CCM2: variants seen among roughly 807,000 people sequenced by gnomAD.
The protein encoded by CCM2 is CCM2 scaffold protein.
In CCM2, 25 loss-of-function variants were observed where a neutral mutation model predicts 44.9. That is an observed-to-expected ratio of 0.56 (90% confidence interval 0.41 to 0.78). The LOEUF is 0.78. Among genes scored for constraint, CCM2 ranks in the 30% least tolerant of loss-of-function variants. The pLI is 0.00. For missense variants in CCM2, 481 were observed against 580.6 expected, an observed-to-expected ratio of 0.83 and a Z score of 1.76; for synonymous variants, 219 against 241.1, an observed-to-expected ratio of 0.91 and a Z score of 0.85.
At chr7:45,009,131 A>G (rs1377413535) in intron 1 of CCM2, among the ~76,000 whole-genome samples, 2 of 151,910 alleles carry the variant, frequency 1.3e-5, no homozygotes, top group African/African-American at 2.4e-5. Context: ...GCGAAATGCT[A>G]TCTCTACAAA....
Position 45,000,330 on chromosome 7 carries a change from C to A in CCM2, c.-4C>A, listed in dbSNP as rs937767334. 1 of 1,282,722 alleles carries A rather than the reference C, an allele frequency of 7.8e-7. No homozygotes were observed. The highest frequency in any genetic ancestry group is 9.9e-7 in the Non-Finnish European group (1 of 1,007,770). 79.5% of individuals were successfully genotyped at this position (1,282,722 alleles called of 1,614,324 possible). A position where few individuals can be genotyped will look rare whatever the true frequency, so the allele number is the denominator to read the frequency against. On this transcript the variant is annotated 5_prime_UTR_variant, in exon 1 of 10. Coordinates refer to ENST00000258781, the MANE Select transcript of CCM2 (RefSeq NM_031443.4). The stretch of plus-strand genomic sequence containing the variant: ...GGCGGGCCGCGGGAGCCGCACGCGG[C>A]GATATGGAAGAGGAGGGCAAGAAGG...
intron 1 of CCM2, among the ~76,000 whole-genome samples, chr7:45,014,360 C>T (rs904694213): frequency 2.0e-4 from 30 of 152,024 alleles, no homozygotes; most frequent in Non-Finnish European, 3.1e-4. Context: ...AGGCTGGTCT[C>T]GAACTCCTGA....
rs2304690 is a variant in CCM2, at chr7:45,064,942, A to G, written c.472+296A>G. On this transcript the variant is annotated intron_variant, in intron 4 of 9. Transcript: ENST00000258781. ...GGGCTCCTATTGACTCCCTCTGGGT[A>G]CAGTGGAGTTGCCCCTCTGCCCAGG... Among the ~76,000 whole-genome samples, 107 of 152,246 alleles carry G rather than the reference A, an allele frequency of 7.0e-4. 2 individuals carry two copies. In the East Asian group the frequency reaches 0.01, roughly 15 times the overall value.
At chr7:45,021,016 C>G (rs1796460495) in intron 1 of CCM2, among the ~76,000 whole-genome samples, 1 of 152,162 alleles carries the variant, frequency 6.6e-6, no homozygotes, top group East Asian at 1.9e-4. Context: ...ATCTCCCTCA[C>G]TGTCTGAGGG....
chr7:45,029,794 G>A (rs1796872079), intron 1 of CCM2, among the ~76,000 whole-genome samples: 1 of 152,202 alleles, frequency 6.6e-6, no homozygotes, highest in Non-Finnish European at 1.5e-5. Flanking sequence ...CTTTGTGTGA[G>A]GAGGGCATTC....
At chr7:45,071,757 C>T (rs1404011343) in intron 6 of CCM2, 5 of 456,550 alleles carry the variant, frequency 1.1e-5, no homozygotes, top group South Asian at 6.2e-5. Flanking sequence ...CAGCCAGCCA[C>T]GTGACCTCTT....
intron 4 of CCM2, among the ~76,000 whole-genome samples, chr7:45,065,489 C>T (rs1037230004): frequency 1.5e-4 from 23 of 152,176 alleles, no homozygotes; most frequent in African/African-American, 5.3e-4. Context: ...CTAGACCACA[C>T]ACTGTGTTTT....
At chr7:45,018,764 CTTTTT>C (rs531985553) in intron 1 of CCM2, among the ~76,000 whole-genome samples, 1 of 139,846 alleles carries the variant, frequency 7.2e-6, no homozygotes, top group Non-Finnish European at 1.6e-5. Flanking sequence ...TTAAGAATTT[CTTTTT>C]TTTTTTTTTG....
At chr7:45,050,828 G>A (rs1017466833) in intron 2 of CCM2, among the ~76,000 whole-genome samples, 2 of 152,142 alleles carry the variant, frequency 1.3e-5, no homozygotes, top group Non-Finnish European at 2.9e-5. Flanking sequence ...TCTTCAATTG[G>A]TTCTCTTGCA....
At chr7:45,064,343 C>T (rs1798663498) in intron 3 of CCM2, 120 bp from the exon 4 acceptor site, 2 of 963,006 alleles carry the variant, frequency 2.1e-6, no homozygotes, top group Non-Finnish European at 3.2e-6. Flanking sequence ...ATAACACTGA[C>T]CTTATTCACT....
chr7:45,068,103 A>G (rs2128749666), intron 4 of CCM2: 1 of 389,354 alleles, frequency 2.6e-6, no homozygotes, highest in Non-Finnish European at 4.9e-6. Context: ...CAGTTTACCC[A>G]TCTGTAAGAA....
At chr7:45,051,813 G>A (rs893965305) in intron 2 of CCM2, among the ~76,000 whole-genome samples, 9 of 151,548 alleles carry the variant, frequency 5.9e-5, no homozygotes, top group African/African-American at 1.7e-4. Context: ...CGCCCACCTC[G>A]GCCCCCCAAA....
chr7:45,068,314 C>T (rs1318390547), intron 4 of CCM2, 129 bp from the exon 5 acceptor site: 7 of 1,190,236 alleles, frequency 5.9e-6, no homozygotes, highest in Admixed American at 5.2e-5. Context: ...TCACCTGAGT[C>T]GTTCTGTGGG....
intron 2 of CCM2, among the ~76,000 whole-genome samples, chr7:45,057,810 A>G (rs1422137594): frequency 3.3e-5 from 5 of 152,184 alleles, no homozygotes; most frequent in Admixed American, 6.5e-5. Flanking sequence ...ATACTTTTGC[A>G]TTCTTCCCTC....
chr7:45,073,964 G>A, intron 8 of CCM2: 2 of 544,112 alleles, frequency 3.7e-6, no homozygotes, highest in South Asian at 4.1e-5. Context: ...AAGGGCACAG[G>A]CATTGGCCCC....
At chr7:45,041,418 A>G (rs1797493904) in intron 2 of CCM2, among the ~76,000 whole-genome samples, 1 of 152,178 alleles carries the variant, frequency 6.6e-6, no homozygotes, top group South Asian at 2.1e-4. Context: ...GGTAAAGAGA[A>G]CGCAGACCAC....
At chr7:45,061,462 T>C (rs1176125177) in intron 2 of CCM2, among the ~76,000 whole-genome samples, 2 of 148,546 alleles carry the variant, frequency 1.3e-5, no homozygotes, top group South Asian at 2.1e-4. Flanking sequence ...CTTTCTTTTT[T>C]TTTTTTTTTT....
chr7:45,029,519 T>A (rs1262120066), intron 1 of CCM2: 1 of 152,230 alleles, frequency 6.6e-6, no homozygotes. Flanking sequence ...GGTATAGCCA[T>A]ACTATTTACT....
At chr7:45,027,383 G>C (rs1796735538) in intron 1 of CCM2, 1 of 433,146 alleles carries the variant, frequency 2.3e-6, no homozygotes, top group Non-Finnish European at 4.3e-6. Context: ...CAGAATGGTG[G>C]ACTTTGAAAT....
Sources: allele counts gnomAD v4.1 joint callset (sites outside exome capture counted in the v4.1 genomes callset), GRCh38; gene constraint gnomAD v4.1.1; transcripts MANE v1.5; gene names NCBI Gene and HGNC (gene_info 2026-07-23, HGNC 2026-07-21).